EXTL3: variants seen among roughly 807,000 people sequenced by gnomAD.
EXTL3 encodes the protein exostosin like glycosyltransferase 3.
EXTL3 carries 27 observed loss-of-function variants against 69.3 expected under a neutral mutation model. That is an observed-to-expected ratio of 0.39 (90% CI 0.29 to 0.54). The LOEUF (loss-of-function observed/expected upper bound fraction) is 0.54, where lower values mean the gene tolerates loss of function less well. Among genes scored for constraint, EXTL3 ranks in the 20% least tolerant of loss-of-function variants. The pLI is 0.69. For missense variants in EXTL3, 1,003 were observed against 1,231.8 expected (o/e 0.81, Z 2.78); for synonymous variants, 511 against 499.4 (o/e 1.02, Z -0.31).
rs1396638208 is a variant in EXTL3, at chr8:28,635,655, G to A, written c.-53+12845G>A. On this transcript the variant is annotated intron_variant, in intron 1 of 6. Transcript: ENST00000523149. ...GAACCTGGGAGGTGGAGCTTGCAGT[G>A]AGCTGAGATCGCACCACTGCACTCC... 4.0e-5 allele frequency among the ~76,000 whole-genome samples: 6 copies of A among 151,068 alleles called. No individual in the cohort carries two copies. In the East Asian group the frequency reaches 1.2e-3, roughly 30 times the overall value.
intron 2 of EXTL3, 105 bp downstream of exon 2, chr8:28,713,655 A>T: frequency 1.6e-6 from 1 of 644,310 alleles, no homozygotes; most frequent in South Asian, 1.7e-5. Flanking sequence ...TGCAAAGAAG[A>T]TTCTTTTGAA....
intron 3 of EXTL3, among the ~76,000 whole-genome samples, chr8:28,726,671 A>G (rs1323283597): frequency 1.3e-5 from 2 of 152,042 alleles, no homozygotes; most frequent in South Asian, 4.1e-4. Flanking sequence ...ACTAGACGCA[A>G]GTAGCGCACC....
upstream of EXTL3, among the ~76,000 whole-genome samples, chr8:28,621,779 CTTGG>C (rs1806412062): frequency 6.6e-6 from 1 of 152,170 alleles, no homozygotes. Flanking sequence ...CTCTAAGCTA[CTTGG>C]AAGCTGCTTC....
intron 1 of EXTL3, chr8:28,696,252 GATGT>G (rs1279240817): frequency 1.3e-5 from 2 of 152,182 alleles, no homozygotes; most frequent in African/African-American, 4.8e-5. Context: ...TAGAAAAGAA[GATGT>G]ATGAGAAGTG....
At chr8:28,652,468 G>A (rs747512995) in intron 1 of EXTL3, among the ~76,000 whole-genome samples, 17 of 151,840 alleles carry the variant, frequency 1.1e-4, no homozygotes, top group African/African-American at 2.9e-4. Context: ...GCCAGCCTGC[G>A]CAACACAGGG....
At chr8:28,744,576 C>T (rs1801846644) in intron 6 of EXTL3, among the ~76,000 whole-genome samples, 1 of 152,188 alleles carries the variant, frequency 6.6e-6, no homozygotes, top group African/African-American at 2.4e-5. Context: ...AGGTGGATCA[C>T]AAGGTCAGGA....
At position 28,717,039 on chromosome 8, in the gene EXTL3, A is replaced by G. The variant is rs377597959; in HGVS notation, c.980A>G (p.Asn327Ser). Residue 327 changes from asparagine to serine, a missense_variant, in exon 3 of 7, where the codon AAC becomes AGC. Asn to Ser is a conservative substitution (Grantham distance 46). Around this residue, in one of 2 missense-constraint regions of EXTL3, gnomAD observed 742 missense variants for 815.4 expected, o/e 0.91. Transcript: ENST00000220562. This position sits in a 1 kb window ranked among gnomAD's most constrained non-coding sequence, Gnocchi z 8.3. ...SPLVHAMSEPNFMEIPPQVPV... is the reference protein window; with the variant it reads ...SPLVHAMSEPSFMEIPPQVPV... ...CTGGTCCATGCCATGTCTGAGCCCA[A>G]CTTCATGGAAATCCCACCACAGGTG... is the stretch of plus-strand genomic sequence containing the variant. 18 of 1,614,104 alleles carry G rather than the reference A, an allele frequency of 1.1e-5. No homozygotes were observed. The highest frequency in any genetic ancestry group is 6.7e-5 in the African/African-American group (5 of 74,934).
chr8:28,743,008 A>T, intron 5 of EXTL3, 78 bp from the exon 6 acceptor site: 1 of 1,544,598 alleles, frequency 6.5e-7, no homozygotes, highest in African/African-American at 1.4e-5. Flanking sequence ...CAGCCCCTCC[A>T]TCCATGCATA....
At chr8:28,610,600 C>T (rs1806258914) in intron 2 of EXTL3, among the ~76,000 whole-genome samples, 1 of 152,176 alleles carries the variant, frequency 6.6e-6, no homozygotes, top group African/African-American at 2.4e-5. Flanking sequence ...GTCAGCCCTA[C>T]ATAGTGCTTC....
intron 1 of EXTL3, among the ~76,000 whole-genome samples, chr8:28,649,856 A>T (rs894756769): frequency 5.3e-5 from 8 of 151,666 alleles, no homozygotes; most frequent in African/African-American, 1.9e-4. Context: ...TAAAGTTTTG[A>T]TTTTTTTTAC....
intron 6 of EXTL3, among the ~76,000 whole-genome samples, chr8:28,744,595 C>T (rs1203188809): frequency 5.9e-5 from 9 of 152,174 alleles, no homozygotes; most frequent in Admixed American, 2.0e-4. Context: ...GAGCTCAAGA[C>T]CATCCTGGCT....
At chr8:28,637,643 A>T (rs1473687717) in intron 1 of EXTL3, among the ~76,000 whole-genome samples, 1 of 142,140 alleles carries the variant, frequency 7.0e-6, no homozygotes, top group Non-Finnish European at 1.6e-5. Flanking sequence ...GAAAAAAAAA[A>T]CAATCAATCT....
At chr8:28,692,546 C>G (rs1384974320) in intron 1 of EXTL3, among the ~76,000 whole-genome samples, 1 of 152,150 alleles carries the variant, frequency 6.6e-6, no homozygotes, top group Non-Finnish European at 1.5e-5. Context: ...ACTACTGTTT[C>G]TTTCCATACA....
chr8:28,744,378 C>A (rs1270910242), intron 6 of EXTL3, among the ~76,000 whole-genome samples: 4 of 152,344 alleles, frequency 2.6e-5, no homozygotes, highest in Non-Finnish European at 1.5e-5. Context: ...TTGTGTTCGA[C>A]TGGGTGCGGT....
Position 28,693,426 on chromosome 8 carries a change from T to C in EXTL3, c.-52-20031T>C, listed in dbSNP as rs559170302. 2.0e-5 allele frequency among the ~76,000 whole-genome samples: 3 copies of C among 152,180 alleles called. No homozygotes were observed. In the South Asian group the frequency reaches 6.2e-4, roughly 32 times the overall value. On this transcript the variant is annotated intron_variant, in intron 1 of 6. Coordinates refer to the EXTL3 transcript ENST00000523149. ...CTGCCTCCCAAAAGTGCTGGGATTA[T>C]AGGCATGAGCCACAGTGCCCAGCCA...
chr8:28,672,158 G>A (rs1001827370), intron 1 of EXTL3, among the ~76,000 whole-genome samples: 1 of 152,108 alleles, frequency 6.6e-6, no homozygotes, highest in African/African-American at 2.4e-5. Flanking sequence ...GTGCACGCCT[G>A]TAATCCCAGC....
chr8:28,643,268 G>A (rs1012286518), intron 1 of EXTL3, among the ~76,000 whole-genome samples: 3 of 151,856 alleles, frequency 2.0e-5, no homozygotes, highest in South Asian at 2.1e-4. Flanking sequence ...AGAACACCAC[G>A]GTGAATCCTG....
intron 2 of EXTL3, among the ~76,000 whole-genome samples, chr8:28,611,616 G>A (rs1259676398): frequency 6.6e-6 from 1 of 152,202 alleles, no homozygotes; most frequent in African/African-American, 2.4e-5. Context: ...TTCACAGCGA[G>A]AGGGGTGATG....
At chr8:28,618,760 G>A (rs1343036253), upstream of EXTL3, among the ~76,000 whole-genome samples, 3 of 151,890 alleles carry the variant, frequency 2.0e-5, no homozygotes, top group South Asian at 2.1e-4. Context: ...ACTCCCCAGC[G>A]GCCCCTAGTG....
Sources: allele counts gnomAD v4.1 joint callset (sites outside exome capture counted in the v4.1 genomes callset), GRCh38; gene constraint gnomAD v4.1.1; regional missense constraint gnomAD v4.1.1; non-coding constraint Gnocchi (gnomAD v3.1); transcripts MANE v1.5; gene names NCBI Gene and HGNC (gene_info 2026-07-23, HGNC 2026-07-21).